CDYL: variants seen among roughly 807,000 people sequenced by gnomAD.
The protein encoded by CDYL is chromodomain Y-like protein.
CDYL carries 8 observed loss-of-function variants against 47.3 expected under a neutral mutation model. The ratio of observed to expected loss-of-function variants is 0.17; its 90% CI spans 0.10 to 0.31. The LOEUF is 0.31. CDYL is among the 10% of genes least tolerant of loss of function. CDYL has a pLI of 1.00. For missense variants in CDYL, 471 were observed against 701.4 expected, an observed-to-expected ratio of 0.67 and a Z score of 3.71; for synonymous variants, 266 against 265.0, an observed-to-expected ratio of 1.00 and a Z score of -0.04.
At position 4,734,202 on chromosome 6, in the gene CDYL, T is replaced by A. The variant is rs537318879; in HGVS notation, c.104-560T>A. Reference sequence around the variant, plus strand: ...GGAGGGGAAAGGACTAGGGGAAAGGTGCCTTTATGTAAGTCATGCAGCTGT... The same window carrying A: ...GGAGGGGAAAGGACTAGGGGAAAGGAGCCTTTATGTAAGTCATGCAGCTGT... On this transcript the variant is annotated intron_variant, in intron 2 of 8. Coordinates refer to the CDYL transcript ENST00000328908. Among the ~76,000 whole-genome samples the A allele has an allele frequency of 7.9e-5, 12 of 152,238 alleles. No individual in the cohort carries two copies. In the South Asian group the frequency reaches 2.5e-3, roughly 32 times the overall value.
intron 3 of CDYL, among the ~76,000 whole-genome samples, chr6:4,746,103 C>A (rs1757892005): frequency 6.6e-6 from 1 of 152,128 alleles, no homozygotes; most frequent in Non-Finnish European, 1.5e-5. Context: ...CGGTGGCTCA[C>A]CCCTGTAATC....
At chr6:4,710,876 T>C (rs1443687877) in intron 1 of CDYL, among the ~76,000 whole-genome samples, 1 of 151,792 alleles carries the variant, frequency 6.6e-6, no homozygotes, top group Non-Finnish European at 1.5e-5. Context: ...CTGTATTGAA[T>C]GCTGGAAATT....
At chr6:4,719,689 C>T (rs535541456) in intron 2 of CDYL, among the ~76,000 whole-genome samples, 5 of 152,234 alleles carry the variant, frequency 3.3e-5, no homozygotes, top group South Asian at 4.2e-4. Flanking sequence ...ACTTCAAAGT[C>T]AACCATTAGC....
intron 1 of CDYL, among the ~76,000 whole-genome samples, chr6:4,875,879 G>A (rs1419913558): frequency 1.3e-5 from 2 of 152,144 alleles, no homozygotes; most frequent in African/African-American, 4.8e-5. Flanking sequence ...TAAAGTAAAT[G>A]GAGACATACC....
chr6:4,798,483 T>C (rs1759137649), intron 1 of CDYL, among the ~76,000 whole-genome samples: 1 of 152,234 alleles, frequency 6.6e-6, no homozygotes, highest in Admixed American at 6.5e-5. Context: ...TTAAGATTTC[T>C]TACCTTTGAT....
At chr6:4,923,403 CTT>C (rs950155552) in intron 2 of CDYL, among the ~76,000 whole-genome samples, 1 of 152,152 alleles carries the variant, frequency 6.6e-6, no homozygotes, top group South Asian at 2.1e-4. Context: ...GGATTTCACT[CTT>C]TTTTTAAGGC....
chr6:4,775,750 G>C (rs981918693), upstream of CDYL, among the ~76,000 whole-genome samples: 8 of 148,334 alleles, frequency 5.4e-5, no homozygotes, highest in Non-Finnish European at 1.2e-4. This position sits in a 1 kb window ranked among gnomAD's most constrained non-coding sequence, Gnocchi z 7.0. Flanking sequence ...CGGGCTCCGG[G>C]TCTTGGCGGC....
intron 1 of CDYL, among the ~76,000 whole-genome samples, chr6:4,830,677 T>C (rs1458793148): frequency 6.6e-6 from 1 of 151,968 alleles, no homozygotes; most frequent in Non-Finnish European, 1.5e-5. Flanking sequence ...TATGTATACA[T>C]GTGACATGCT....
rs143290854 is a variant in CDYL, at chr6:4,823,598, C to T, written c.24+46791C>T. Among the ~76,000 whole-genome samples the T allele has an allele frequency of 3.4e-4, 52 of 151,422 alleles. 1 individual carries two copies. The highest frequency in any genetic ancestry group is 1.2e-3 in the African/African-American group (50 of 41,216). ...TTCCCCCAAACAGAAACTTTGTAAC[C>T]GTAAAATGTATGTAACCTAACATTT... On this transcript the variant is annotated intron_variant, in intron 1 of 6. Coordinates refer to ENST00000397588, the MANE Select transcript of CDYL (RefSeq NM_004824.4).
intron 2 of CDYL, among the ~76,000 whole-genome samples, chr6:4,716,475 T>C (rs1323540340): frequency 1.3e-5 from 2 of 152,126 alleles, no homozygotes; most frequent in African/African-American, 4.8e-5. Context: ...CCATTGCTCT[T>C]TAGTAACTTT....
At chr6:4,836,169 G>C (rs570682227) in intron 1 of CDYL, 5 of 353,808 alleles carry the variant, frequency 1.4e-5, no homozygotes, top group Non-Finnish European at 2.0e-5. Flanking sequence ...TGTCTTCTGC[G>C]TCGCTCACGC....
upstream of CDYL, chr6:4,773,183 G>A (rs1283375002): frequency 6.6e-6 from 3 of 457,306 alleles, no homozygotes; most frequent in Non-Finnish European, 1.3e-5. This position sits in a 1 kb window ranked among gnomAD's most constrained non-coding sequence, Gnocchi z 4.6. Flanking sequence ...GGTCAGGTAA[G>A]AATCGTTTAT....
intron 2 of CDYL, among the ~76,000 whole-genome samples, chr6:4,923,794 G>A (rs982754840): frequency 3.3e-5 from 5 of 151,748 alleles, no homozygotes; most frequent in Non-Finnish European, 4.4e-5. Flanking sequence ...CCAGCTACTC[G>A]GGAGGCTGAA....
chr6:4,730,588 C>A (rs1158268790), intron 2 of CDYL, among the ~76,000 whole-genome samples: 1 of 148,162 alleles, frequency 6.7e-6, no homozygotes, highest in Non-Finnish European at 1.5e-5. Context: ...GCAGAAGAAT[C>A]GCTTGAACCC....
intron 2 of CDYL, among the ~76,000 whole-genome samples, chr6:4,723,836 C>T (rs1409463744): frequency 6.6e-6 from 1 of 152,224 alleles, no homozygotes; most frequent in Admixed American, 6.5e-5. Flanking sequence ...TGAGACAACT[C>T]ACTAGTGCCA....
intron 3 of CDYL, among the ~76,000 whole-genome samples, chr6:4,756,232 C>A (rs1285660531): frequency 6.6e-6 from 1 of 152,162 alleles, no homozygotes; most frequent in Non-Finnish European, 1.5e-5. Flanking sequence ...TCAGCTGATA[C>A]AATGTCTTAA....
intron 1 of CDYL, among the ~76,000 whole-genome samples, chr6:4,706,567 C>T (rs1757050737): frequency 6.6e-6 from 1 of 151,922 alleles, no homozygotes; most frequent in Admixed American, 6.6e-5. Flanking sequence ...CCAAGGCGGG[C>T]TGAGGTCAGG....
intron 2 of CDYL, among the ~76,000 whole-genome samples, chr6:4,720,017 A>G (rs1315778428): frequency 6.6e-6 from 1 of 152,220 alleles, no homozygotes; most frequent in Non-Finnish European, 1.5e-5. Flanking sequence ...TGACCCAATA[A>G]TTATTAAGTC....
chr6:4,807,591 C>CT (rs70974139), intron 1 of CDYL, among the ~76,000 whole-genome samples: 15 of 42,942 alleles, frequency 3.5e-4, no homozygotes, highest in Non-Finnish European at 5.3e-4. Context: ...TCATTCATGT[C>CT]TTTTTTTTTT....
Sources: allele counts gnomAD v4.1 joint callset (sites outside exome capture counted in the v4.1 genomes callset), GRCh38; gene constraint gnomAD v4.1.1; non-coding constraint Gnocchi (gnomAD v3.1); transcripts MANE v1.5; gene names NCBI Gene and HGNC (gene_info 2026-07-23, HGNC 2026-07-21).